The following ANKS1B variants were observed in gnomAD, a reference collection of about 807,000 sequenced individuals.
The protein encoded by ANKS1B is ankyrin repeat and sterile alpha motif domain containing 1B.
A neutral mutation model predicts 148.3 loss-of-function variants in ANKS1B; 36 were observed. That is an observed-to-expected ratio of 0.24 (90% confidence interval 0.19 to 0.32). The LOEUF is 0.32. ANKS1B is among the 10% of genes least tolerant of loss of function. The pLI is 1.00. For missense variants in ANKS1B, 1,157 were observed against 1,542.6 expected (o/e 0.75, Z 4.19); for synonymous variants, 542 against 560.8 (o/e 0.97, Z 0.47).
intron 1 of ANKS1B, among the ~76,000 whole-genome samples, chr12:99,965,427 G>T (rs1438381784): frequency 6.6e-6 from 1 of 152,146 alleles, no homozygotes; most frequent in African/African-American, 2.4e-5. Context: ...ATGAGGAATG[G>T]GATATCTGCA....
At chr12:99,346,506 G>A (rs529728526) in intron 12 of ANKS1B, among the ~76,000 whole-genome samples, 1 of 151,654 alleles carries the variant, frequency 6.6e-6, no homozygotes, top group Non-Finnish European at 1.5e-5. Flanking sequence ...AGAAGACCAG[G>A]AGTCATAAAT....
At position 99,150,941 on chromosome 12, in the gene ANKS1B, G is replaced by A. The variant is rs182252450; in HGVS notation, c.2526+3348C>T. 2.8e-3 allele frequency among the ~76,000 whole-genome samples: 426 copies of A among 152,068 alleles called. 2 individuals carry two copies. Among genetic ancestry groups the A allele is most frequent in the Non-Finnish European group, 4.1e-3 (279 of 67,964 alleles). ...CAGACAAAAGATTCTGTTGTGAAGGGGCTTCTGGTTTTAACATAGATGTGA... is the reference window on the plus strand; with the variant it reads ...CAGACAAAAGATTCTGTTGTGAAGGAGCTTCTGGTTTTAACATAGATGTGA... On this transcript the variant is annotated intron_variant, in intron 15 of 26. Transcript: ENST00000683438.
At chr12:99,653,587 T>C (rs564687614) in intron 9 of ANKS1B, among the ~76,000 whole-genome samples, 1 of 152,248 alleles carries the variant, frequency 6.6e-6, no homozygotes, top group South Asian at 2.1e-4. Context: ...TTCATTCAAC[T>C]ATTACTTCAT....
In ANKS1B at chr12:99,863,952, C is replaced by T. The variant is rs117906852; in HGVS notation, c.135-38563G>A. The stretch of plus-strand genomic sequence containing the variant: ...GGCGTGGTGGCACATGCCTATCATC[C>T]CAGCTATTCAGGAGGCTGAGGCAGG... On this transcript the variant is annotated intron_variant, in intron 1 of 26. Coordinates refer to ENST00000683438, the MANE Select transcript of ANKS1B (RefSeq NM_001352186.2). 2.8e-3 allele frequency among the ~76,000 whole-genome samples: 419 copies of T among 151,840 alleles called. 1 individual carries two copies. The highest frequency in any genetic ancestry group is 0.017 in the Middle Eastern group (5 of 294).
At chr12:98,917,305 A>G (rs567808842) in intron 17 of ANKS1B, among the ~76,000 whole-genome samples, 1 of 152,318 alleles carries the variant, frequency 6.6e-6, no homozygotes, top group African/African-American at 2.4e-5. Flanking sequence ...CTTAGGACCC[A>G]GGTAGAATGA....
intron 9 of ANKS1B, among the ~76,000 whole-genome samples, chr12:99,647,584 G>T (rs1329545277): frequency 1.3e-5 from 2 of 151,732 alleles, no homozygotes; most frequent in Non-Finnish European, 2.9e-5. Flanking sequence ...TGGTGGCGGG[G>T]TAGTGGTCTG....
At chr12:98,926,915 C>T (rs1488173630) in intron 17 of ANKS1B, among the ~76,000 whole-genome samples, 1 of 151,958 alleles carries the variant, frequency 6.6e-6, no homozygotes, top group Non-Finnish European at 1.5e-5. Context: ...GTGAGAGTCC[C>T]AGACAGATAA....
chr12:99,443,561 T>C (rs2095585281), intron 11 of ANKS1B, 112 bp downstream of exon 11: 8 of 1,102,744 alleles, frequency 7.3e-6, no homozygotes, highest in South Asian at 2.3e-5. Context: ...AATTTAGAAA[T>C]CCATTGACAT....
intron 9 of ANKS1B, among the ~76,000 whole-genome samples, chr12:99,610,117 A>AAAGCAT (rs2097888353): frequency 6.6e-6 from 1 of 152,074 alleles, no homozygotes; most frequent in Non-Finnish European, 1.5e-5. Flanking sequence ...GTTAACAAGA[A>AAAGCAT]AAGCATAACA....
chr12:99,786,473 A>G (rs2065020076), intron 4 of ANKS1B, among the ~76,000 whole-genome samples: 1 of 152,184 alleles, frequency 6.6e-6, no homozygotes, highest in African/African-American at 2.4e-5. Flanking sequence ...AAAACTTCTA[A>G]AGAACATCCT....
intron 9 of ANKS1B, among the ~76,000 whole-genome samples, chr12:99,572,786 A>G (rs541253760): frequency 4.4e-4 from 67 of 152,222 alleles, no homozygotes; most frequent in African/African-American, 1.5e-3. Context: ...TAATTCCCAT[A>G]TCTGTGATAA....
intron 1 of ANKS1B, among the ~76,000 whole-genome samples, chr12:99,899,457 T>A (rs2153765185): frequency 6.6e-6 from 1 of 152,332 alleles, no homozygotes; most frequent in South Asian, 2.1e-4. Flanking sequence ...TCTAATATAT[T>A]ATCTGTTACC....
intron 17 of ANKS1B, among the ~76,000 whole-genome samples, chr12:98,879,491 C>T (rs897090784): frequency 6.6e-6 from 1 of 152,152 alleles, no homozygotes; most frequent in African/African-American, 2.4e-5. Flanking sequence ...AAAGCAGCAG[C>T]TTGTCTTATG....
intron 15 of ANKS1B, among the ~76,000 whole-genome samples, chr12:99,152,803 AC>A (rs1008399008): frequency 8.5e-5 from 13 of 152,112 alleles, no homozygotes; most frequent in African/African-American, 3.1e-4. Flanking sequence ...TGTACAGTAA[AC>A]ATAAATAATA....
At chr12:99,218,084 C>T (rs1490285589) in intron 14 of ANKS1B, among the ~76,000 whole-genome samples, 1 of 152,122 alleles carries the variant, frequency 6.6e-6, no homozygotes, top group Admixed American at 6.5e-5. Flanking sequence ...TGTGAGGGGA[C>T]TATCTAGCAC....
chr12:99,759,781 C>G (rs1198411712), intron 8 of ANKS1B, among the ~76,000 whole-genome samples: 4 of 151,918 alleles, frequency 2.6e-5, no homozygotes, highest in Non-Finnish European at 5.9e-5. Context: ...TTAACTTCAT[C>G]ATTATCCAGA....
chr12:99,588,534 A>C (rs2153233214), intron 9 of ANKS1B, among the ~76,000 whole-genome samples: 1 of 151,800 alleles, frequency 6.6e-6, no homozygotes, highest in South Asian at 2.1e-4. Flanking sequence ...CTCCTGCCTC[A>C]GCCTCCTGAG....
intron 9 of ANKS1B, among the ~76,000 whole-genome samples, chr12:99,611,960 A>G (rs2097905923): frequency 6.6e-6 from 1 of 152,048 alleles, no homozygotes. Flanking sequence ...TTCTCACGTA[A>G]ATGTCCTGAA....
chr12:99,742,658 C>T (rs2060232556), intron 8 of ANKS1B, among the ~76,000 whole-genome samples: 1 of 151,912 alleles, frequency 6.6e-6, no homozygotes, highest in South Asian at 2.1e-4. Context: ...CACGGTGAAA[C>T]CCCGTCTCTA....
Sources: gnomAD v4.1 joint callset for allele counts (sites outside exome capture counted in the v4.1 genomes callset) on GRCh38, gnomAD v4.1.1 for gene constraint, MANE v1.5 for transcripts, NCBI Gene and HGNC (gene_info 2026-07-23, HGNC 2026-07-21) for gene names.